The following EFCAB14 variants were observed in gnomAD, a reference collection of about 807,000 sequenced individuals.
EFCAB14 encodes EF-hand calcium binding domain 14, also known as EF-hand calcium-binding domain-containing protein 14.
EFCAB14 carries 43 observed loss-of-function variants against 56.5 expected under a neutral mutation model. The observed-to-expected ratio is 0.76, with a 90% CI of 0.60 to 0.98. EFCAB14 has a LOEUF of 0.98. Among genes scored for constraint, EFCAB14 ranks in the 50% least tolerant of loss-of-function variants. The pLI, the probability that EFCAB14 is intolerant of heterozygous loss-of-function variation, is 0.00. For missense variants in EFCAB14, 538 were observed against 580.3 expected (o/e 0.93, Z 0.75); for synonymous variants, 235 against 212.9 (o/e 1.10, Z -0.90).
At chr1:46,699,536 C>A (rs1370219107) in intron 3 of EFCAB14, among the ~76,000 whole-genome samples, 1 of 152,152 alleles carries the variant, frequency 6.6e-6, no homozygotes, top group South Asian at 2.1e-4. Flanking sequence ...AATTAACACT[C>A]TGTGTCTGGG....
intron 2 of EFCAB14, among the ~76,000 whole-genome samples, chr1:46,709,184 CTCAA>C (rs1469235414): frequency 6.6e-6 from 1 of 152,160 alleles, no homozygotes; most frequent in Non-Finnish European, 1.5e-5. Flanking sequence ...ATTTTAAGCA[CTCAA>C]TCAATATTTA....
chr1:46,682,206 T>C (rs1290950576), intron 10 of EFCAB14: 1 of 152,208 alleles, frequency 6.6e-6, no homozygotes, highest in African/African-American at 2.4e-5. Context: ...TGACATGTGC[T>C]AAACAGGGGC....
rs1048351 is a variant in EFCAB14 at position 46,677,808 on chromosome 1, C to T, written c.*653G>A. Reference sequence around the variant, plus strand: ...GAGTCAGTATTGTCTCCAGTGTCTACTCCCTGAAATCGGTTCCTCCAGCTA... The same window carrying T: ...GAGTCAGTATTGTCTCCAGTGTCTATTCCCTGAAATCGGTTCCTCCAGCTA... On this transcript the variant is annotated 3_prime_UTR_variant, in exon 11 of 11. Transcript: ENST00000371933. 0.26 allele frequency: 38,937 copies of T among 152,290 alleles called. 5,192 individuals are homozygous for T. The highest frequency in any genetic ancestry group is 0.35 in the East Asian group (1,809 of 5,156). The allele number at this position is 152,290 out of a possible 1,614,324, so 9.4% of individuals were successfully genotyped here. A position where few individuals can be genotyped will look rare whatever the true frequency, so the allele number is the denominator to read the frequency against.
chr1:46,689,461 C>T (rs1308264195), intron 6 of EFCAB14, 126 bp downstream of exon 6: 12 of 818,916 alleles, frequency 1.5e-5, no homozygotes, highest in Non-Finnish European at 1.6e-5. Context: ...CCTCTCTGCT[C>T]AGCTCCCAGG....
At chr1:46,679,801 C>T (rs185534724) in intron 10 of EFCAB14, among the ~76,000 whole-genome samples, 3 of 151,156 alleles carry the variant, frequency 2.0e-5, no homozygotes, top group African/African-American at 7.3e-5. Flanking sequence ...AGTAGAGATG[C>T]GGTTTCATCA....
intron 3 of EFCAB14, among the ~76,000 whole-genome samples, chr1:46,700,103 T>A (rs1210389008): frequency 6.6e-6 from 1 of 152,216 alleles, no homozygotes; most frequent in Non-Finnish European, 1.5e-5. Context: ...CCAGAACCAG[T>A]CTGCTAAGCT....
chr1:46,689,449 T>C (rs1676954709), intron 6 of EFCAB14, 138 bp downstream of exon 6: 1 of 723,632 alleles, frequency 1.4e-6, no homozygotes, highest in Non-Finnish European at 2.3e-6. Flanking sequence ...CCAACACACA[T>C]TCCTCTCTGC....
intron 9 of EFCAB14, chr1:46,684,218 T>C: frequency 2.5e-6 from 1 of 395,598 alleles, no homozygotes; most frequent in Non-Finnish European, 4.5e-6. Context: ...TCTATGACAG[T>C]AACATTTTTG....
intron 4 of EFCAB14, among the ~76,000 whole-genome samples, chr1:46,695,748 C>A (rs1226920949): frequency 6.6e-6 from 1 of 152,158 alleles, no homozygotes; most frequent in African/African-American, 2.4e-5. Context: ...TGGTTGGTCA[C>A]AGCTCACTGT....
At chr1:46,714,801 CA>C (rs529413592) in intron 2 of EFCAB14, among the ~76,000 whole-genome samples, 1,267 of 86,612 alleles carry the variant, frequency 0.015, 4 homozygotes, top group Non-Finnish European at 0.019. Context: ...GACCTTATCT[CA>C]AAAAAAAAAA....
chr1:46,680,973 C>CTTT (rs202142759), intron 10 of EFCAB14, among the ~76,000 whole-genome samples: 1 of 144,566 alleles, frequency 6.9e-6, no homozygotes. Flanking sequence ...ATATACATAA[C>CTTT]TTTTTTTTTT....
intron 4 of EFCAB14, among the ~76,000 whole-genome samples, 178 bp downstream of exon 4, chr1:46,696,373 C>T (rs762150642): frequency 1.3e-5 from 2 of 152,184 alleles, no homozygotes; most frequent in Non-Finnish European, 2.9e-5. Context: ...CAGACCAAAA[C>T]AAAATTGTTC....
At chr1:46,705,927 C>T (rs953705243) in intron 3 of EFCAB14, among the ~76,000 whole-genome samples, 3 of 151,092 alleles carry the variant, frequency 2.0e-5, no homozygotes, top group South Asian at 2.1e-4. Context: ...TGCAGTGACA[C>T]GATTACAGCT....
At chr1:46,700,993 G>GTGTGTGTA (rs1385886127) in intron 3 of EFCAB14, among the ~76,000 whole-genome samples, 2 of 151,822 alleles carry the variant, frequency 1.3e-5, no homozygotes, top group Non-Finnish European at 2.9e-5. Flanking sequence ...GTGAGTGTGT[G>GTGTGTGTA]TGTGTGTGTG....
intron 9 of EFCAB14, 77 bp downstream of exon 9, chr1:46,684,414 C>T: frequency 1.7e-6 from 2 of 1,188,158 alleles, no homozygotes; most frequent in Non-Finnish European, 1.2e-6. Context: ...ACTGCTGGAA[C>T]ACCTTCCCTG....
intron 3 of EFCAB14, among the ~76,000 whole-genome samples, chr1:46,706,794 A>G (rs1236366006): frequency 6.6e-6 from 1 of 152,266 alleles, no homozygotes; most frequent in African/African-American, 2.4e-5. Context: ...TTCATGAATA[A>G]TTTTGAAAGA....
intron 2 of EFCAB14, among the ~76,000 whole-genome samples, chr1:46,715,230 A>T (rs1354690547): frequency 1.3e-5 from 2 of 152,156 alleles, no homozygotes; most frequent in African/African-American, 4.8e-5. Flanking sequence ...TATCAAAGAG[A>T]TCTGTAGGCA....
intron 1 of EFCAB14, among the ~76,000 whole-genome samples, chr1:46,716,709 C>T (rs937629768): frequency 6.6e-6 from 1 of 152,178 alleles, no homozygotes; most frequent in Non-Finnish European, 1.5e-5. Context: ...CTGCAGCTGT[C>T]ATTATCAGGA....
chr1:46,699,637 T>C (rs1677125986), intron 3 of EFCAB14, among the ~76,000 whole-genome samples: 1 of 152,222 alleles, frequency 6.6e-6, no homozygotes, highest in Non-Finnish European at 1.5e-5. Context: ...TTTATTCTTT[T>C]CATCAGTAAC....
Sources: allele counts gnomAD v4.1 joint callset (sites outside exome capture counted in the v4.1 genomes callset), GRCh38; gene constraint gnomAD v4.1.1; transcripts MANE v1.5; gene names NCBI Gene and HGNC (gene_info 2026-07-23, HGNC 2026-07-21).